The following SMIM20 variants were observed in gnomAD, a reference collection of about 807,000 sequenced individuals.
SMIM20 encodes the protein small integral membrane protein 20.
SMIM20 carries 3 observed loss-of-function variants against 8.7 expected under a neutral mutation model. The observed-to-expected ratio is 0.34, with a 90% confidence interval of 0.16 to 0.89. SMIM20 has a LOEUF of 0.89. SMIM20 is among the 40% of genes least tolerant of loss of function. The pLI is 0.49. For missense variants in SMIM20, 85 were observed against 84.8 expected (o/e 1.00, Z -0.01); for synonymous variants, 44 against 33.6 (o/e 1.31, Z -1.07).
At chr4:25,920,398 A>T (rs963414151) in intron 1 of SMIM20, among the ~76,000 whole-genome samples, 3 of 152,204 alleles carry the variant, frequency 2.0e-5, no homozygotes, top group Admixed American at 6.5e-5. Flanking sequence ...AAAAAGGAAA[A>T]AATAATAATA....
Position 25,929,183 on chromosome 4 carries a change from AG to A in SMIM20, c.198del (p.Lys67AsnfsTer10), listed in dbSNP as rs1711584631. ...AAAAGTGTGGTCTGATCCATTTGGC[AG>A]GAAATGAGAGGGCTGTCATCAGCTC... is the stretch of plus-strand genomic sequence containing the variant. ...GLKVWSDPFG[R>X]K is the part of the protein sequence containing the mutation. On this transcript the variant is annotated frameshift_variant, in exon 3 of 3. Coordinates refer to ENST00000506197, the MANE Select transcript of SMIM20 (RefSeq NM_001145432.3). LOFTEE classifies it high-confidence loss of function. The A allele has an allele frequency of 6.4e-7, 1 of 1,551,978 alleles. No individual in the cohort carries two copies. The highest frequency in any genetic ancestry group is 1.4e-5 in the African/African-American group (1 of 73,048).
chr4:25,927,886 G>A (rs1711545090), intron 1 of SMIM20, among the ~76,000 whole-genome samples: 1 of 152,230 alleles, frequency 6.6e-6, no homozygotes, highest in African/African-American at 2.4e-5. Context: ...TTAGCTCTGA[G>A]TCTAGTCCTT....
intron 1 of SMIM20, among the ~76,000 whole-genome samples, chr4:25,917,763 T>C (rs991153038): frequency 1.3e-5 from 2 of 152,152 alleles, no homozygotes; most frequent in Admixed American, 1.3e-4. Flanking sequence ...GCTGCTTCCA[T>C]TGTGTCCCAC....
At chr4:25,920,975 C>T (rs1459363801) in intron 1 of SMIM20, among the ~76,000 whole-genome samples, 3 of 152,132 alleles carry the variant, frequency 2.0e-5, no homozygotes, top group Non-Finnish European at 4.4e-5. Context: ...GATGGTTGCA[C>T]AACAATGAAA....
rs1711590456 is a variant in SMIM20 at position 25,929,422 on chromosome 4, C to G, written c.*231C>G. Reference sequence around the variant, plus strand: ...TACCATTAGGAAGGTTTTCATGATTCAGTTGATTTTCCAAAAATGAAGCTA... The same window carrying G: ...TACCATTAGGAAGGTTTTCATGATTGAGTTGATTTTCCAAAAATGAAGCTA... On this transcript the variant is annotated 3_prime_UTR_variant, in exon 3 of 3. Coordinates refer to ENST00000506197, the MANE Select transcript of SMIM20 (RefSeq NM_001145432.3). 1 of 491,196 alleles carries G rather than the reference C, an allele frequency of 2.0e-6. No individual in the cohort carries two copies. Among genetic ancestry groups the G allele is most frequent in the Non-Finnish European group, 3.5e-6 (1 of 285,786 alleles). The allele number at this position is 491,196 out of a possible 1,614,324, so 30.4% of individuals were successfully genotyped here.
intron 1 of SMIM20, among the ~76,000 whole-genome samples, chr4:25,915,885 G>C (rs1055228510): frequency 6.7e-6 from 1 of 148,282 alleles, no homozygotes. Context: ...TGTTGCTACT[G>C]GTTTCTTGTG....
At chr4:25,914,850 G>C (rs1294543615) in intron 1 of SMIM20, among the ~76,000 whole-genome samples, 1 of 152,160 alleles carries the variant, frequency 6.6e-6, no homozygotes, top group Non-Finnish European at 1.5e-5. Flanking sequence ...ACAAATGAGG[G>C]AACTGAGAGG....
At chr4:25,925,864 C>T (rs974800812) in intron 1 of SMIM20, among the ~76,000 whole-genome samples, 2 of 152,168 alleles carry the variant, frequency 1.3e-5, no homozygotes, top group African/African-American at 2.4e-5. Flanking sequence ...AAAAATCAGC[C>T]GGTCTGCATG....
chr4:25,916,930 A>G (rs959098473), intron 1 of SMIM20, among the ~76,000 whole-genome samples: 1 of 152,232 alleles, frequency 6.6e-6, no homozygotes, highest in Non-Finnish European at 1.5e-5. Context: ...ATATTGCTGA[A>G]CAGGTAATAT....
rs570840871 is a variant in SMIM20, at chr4:25,929,183, A to G, written c.196A>G (p.Arg66Gly). ...GLKVWSDPFG[R>G]K ...AAAAGTGTGGTCTGATCCATTTGGC[A>G]GGAAATGAGAGGGCTGTCATCAGCT... is the stretch of plus-strand genomic sequence containing the variant. Residue 66 changes from arginine to glycine, a missense_variant, in exon 3 of 3, where the codon AGG (arginine) becomes GGG (glycine). By Grantham distance (125) the Arg-to-Gly change is moderately radical (BLOSUM62 -2). Transcript: ENST00000506197. 1 of 1,552,096 alleles carries G rather than the reference A, an allele frequency of 6.4e-7. No homozygotes were observed. Among genetic ancestry groups the G allele is most frequent in the African/African-American group, 1.4e-5 (1 of 73,170 alleles).
At chr4:25,921,776 G>A (rs1719207112) in intron 1 of SMIM20, among the ~76,000 whole-genome samples, 1 of 152,070 alleles carries the variant, frequency 6.6e-6, no homozygotes, top group African/African-American at 2.4e-5. Flanking sequence ...CAGTGTGCTG[G>A]GGAACACCAG....
chr4:25,924,146 G>A (rs1018465431), intron 1 of SMIM20, among the ~76,000 whole-genome samples: 7 of 152,166 alleles, frequency 4.6e-5, no homozygotes, highest in Admixed American at 2.0e-4. Flanking sequence ...TGAACCTCCA[G>A]TTCTGGAATA....
intron 1 of SMIM20, among the ~76,000 whole-genome samples, chr4:25,924,614 A>G (rs998518902): frequency 1.3e-5 from 2 of 152,210 alleles, no homozygotes; most frequent in Non-Finnish European, 2.9e-5. Context: ...TATATAACAT[A>G]CAGATACATA....
chr4:25,914,364 G>C lies in SMIM20; in HGVS notation c.51G>C (p.Leu17=), dbSNP rs953530458. The C allele has an allele frequency of 3.9e-6, 6 of 1,549,112 alleles. No individual in the cohort carries two copies. The African/African-American group carries it at 6.8e-5, about 18-fold the overall frequency. The part of the protein sequence containing the change: ...TALIFGGFIS[L]IGAAFYPIYF... The stretch of plus-strand genomic sequence containing the variant: ...TCATTTTCGGCGGCTTCATCTCCCT[G>C]ATCGGCGCCGCCTTCTATCCCATCT... The change falls in exon 1 of 3, where the codon CTG becomes CTC. Residue 17 remains leucine, a synonymous_variant. Coordinates refer to ENST00000506197, the MANE Select transcript of SMIM20 (RefSeq NM_001145432.3).
chr4:25,925,385 C>T (rs1012580375), intron 1 of SMIM20, among the ~76,000 whole-genome samples: 43 of 152,102 alleles, frequency 2.8e-4, no homozygotes, highest in African/African-American at 8.2e-4. Context: ...TATAGGCGCC[C>T]GCCACCATGC....
chr4:25,919,979 A>G (rs973541057), intron 1 of SMIM20, among the ~76,000 whole-genome samples: 4 of 152,084 alleles, frequency 2.6e-5, no homozygotes, highest in Non-Finnish European at 5.9e-5. Context: ...ACTCCTTTCT[A>G]GCTTCAGTTT....
intron 1 of SMIM20, among the ~76,000 whole-genome samples, chr4:25,918,078 G>T (rs558893136): frequency 6.6e-6 from 1 of 152,008 alleles, no homozygotes; most frequent in Non-Finnish European, 1.5e-5. Context: ...AAGTAGCTGG[G>T]ATTACAGGTG....
At chr4:25,926,683 C>G (rs538812241) in intron 1 of SMIM20, among the ~76,000 whole-genome samples, 4 of 152,390 alleles carry the variant, frequency 2.6e-5, no homozygotes, top group Non-Finnish European at 5.9e-5. Flanking sequence ...CTGCCAGCTT[C>G]TTTTGCCTTG....
At chr4:25,929,038 A>C in intron 2 of SMIM20, 116 bp from the exon 3 acceptor site, 6 of 1,297,990 alleles carry the variant, frequency 4.6e-6, no homozygotes, top group Non-Finnish European at 3.2e-6. Flanking sequence ...CACCATCTCA[A>C]ACTACACTGT....
Sources: allele counts gnomAD v4.1 joint callset (sites outside exome capture counted in the v4.1 genomes callset), GRCh38; gene constraint gnomAD v4.1.1; transcripts MANE v1.5; gene names NCBI Gene and HGNC (gene_info 2026-07-23, HGNC 2026-07-21).